NXF1: variants seen among roughly 807,000 people sequenced by gnomAD.
The protein encoded by NXF1 is nuclear RNA export factor 1, also known as mRNA export factor TAP.
In NXF1, 43 loss-of-function variants were observed where a neutral mutation model predicts 92.4. The observed-to-expected ratio is 0.47, with a 90% confidence interval of 0.36 to 0.60. The LOEUF (loss-of-function observed/expected upper bound fraction) is 0.60, where lower values mean the gene tolerates loss of function less well. Among genes scored for constraint, NXF1 ranks in the 20% least tolerant of loss-of-function variants. NXF1 has a pLI of 0.00. For missense variants in NXF1, 576 were observed against 793.0 expected (o/e 0.73, Z 3.29); for synonymous variants, 288 against 292.2 (o/e 0.99, Z 0.15).
chr11:62,796,017 C>T, intron 16 of NXF1, 49 bp downstream of exon 16: 1 of 1,599,320 alleles, frequency 6.3e-7, no homozygotes, highest in East Asian at 2.3e-5. Context: ...TATTAAATGC[C>T]ACCCCCACCC....
In NXF1 at chr11:62,799,150, A is replaced by G. The variant is rs142420430; in HGVS notation, c.1017-575T>C. ...GGAGAGATGGGGAGGTATAGGAGACAGACAGAAAAAGGAAAGAGAAAGCAA... is the reference window on the plus strand; with the variant it reads ...GGAGAGATGGGGAGGTATAGGAGACGGACAGAAAAAGGAAAGAGAAAGCAA... On this transcript the variant is annotated intron_variant, in intron 10 of 20. Coordinates refer to ENST00000294172, the MANE Select transcript of NXF1 (RefSeq NM_006362.5). 1.1e-4 allele frequency: 104 copies of G among 984,180 alleles called. No homozygotes were observed. In the African/African-American group the frequency reaches 1.6e-3, roughly 16 times the overall value. The allele number at this position is 984,180 out of a possible 1,614,324, so 61.0% of individuals were successfully genotyped here.
intron 10 of NXF1, 162 bp downstream of exon 10, chr11:62,800,214 AG>A: frequency 7.0e-7 from 1 of 1,430,908 alleles, no homozygotes; most frequent in Non-Finnish European, 9.2e-7. Context: ...CAAAGCTGGA[AG>A]ACACAGACAG....
Position 62,796,562 on chromosome 11 carries a change from T to C in NXF1, c.1184A>G (p.Tyr395Cys). 1 of 1,608,260 alleles carries C rather than the reference T, an allele frequency of 6.2e-7. No individual in the cohort carries two copies. Among genetic ancestry groups the C allele is most frequent in the South Asian group, 1.1e-5 (1 of 91,000 alleles). The change falls in exon 14 of 21, where the codon TAT becomes TGT. Residue 395 changes from tyrosine to cysteine, a missense_variant. Coordinates refer to ENST00000294172, the MANE Select transcript of NXF1 (RefSeq NM_006362.5). Reference sequence around the variant, plus strand: ...TCGGTCTCCAGAGTCGTAAATTGCATAGTACCTATGGGAAAAACAAAAAAG... The same window carrying C: ...TCGGTCTCCAGAGTCGTAAATTGCACAGTACCTATGGGAAAAACAAAAAAG... ...SLVLHFLQQY[Y>C]AIYDSGDRQG...
Position 62,795,942 on chromosome 11 carries a change from C to T in NXF1, c.1463G>A (p.Ser488Asn). 6.2e-7 allele frequency: 1 copy of T among 1,614,006 alleles called. No individual in the cohort carries two copies. The highest frequency in any genetic ancestry group is 1.1e-5 in the South Asian group (1 of 91,086). ...SFVVDISAQTSTLLCFSVNGV... is the reference protein window; with the variant it reads ...SFVVDISAQTNTLLCFSVNGV... ...ATTGACAGAAAAACACAGCAATGTG[C>T]TCTGAAAGAGAAGCAGCATCAGGTA... Residue 488 changes from serine (S) to asparagine (N), a missense_variant and splice_region_variant, in exon 17 of 21, where the codon AGC (serine) becomes AAC (asparagine). Physicochemically the swap from Ser to Asn is conservative, Grantham distance 46. Around this residue, in one of 2 missense-constraint regions of NXF1, gnomAD observed 425 missense variants for 635.2 expected, o/e 0.67. Coordinates refer to ENST00000294172, the MANE Select transcript of NXF1 (RefSeq NM_006362.5).
Position 62,803,561 on chromosome 11 carries a change from G to A in NXF1, c.227C>T (p.Thr76Ile), listed in dbSNP as rs2084502611. 14 of 1,614,082 alleles carry A rather than the reference G, an allele frequency of 8.7e-6. No individual in the cohort carries two copies. Among genetic ancestry groups the A allele is most frequent in the Non-Finnish European group, 1.2e-5 (14 of 1,180,034 alleles). The change falls in exon 3 of 21, where the codon ACC becomes ATC. Residue 76 changes from threonine (T) to isoleucine (I), a missense_variant. Thr to Ile is a moderately conservative substitution (Grantham distance 89, BLOSUM62 -1). This residue lies in a region of NXF1 where 151 missense variants were observed against 157.8 expected (regional missense o/e 0.96). Transcript: ENST00000294172. The part of the protein sequence containing the change: ...DGPRVRYNPY[T>I]TRPNRRGDTW... ...ATCACCCCGACGGTTAGGTCGGGTG[G>A]TATAGGGGTTGCTGTGGGTAAGCAG...
At chr11:62,801,707 G>T (rs1260562071) in intron 6 of NXF1, 32 bp downstream of exon 6, 2 of 1,609,950 alleles carry the variant, frequency 1.2e-6, no homozygotes, top group Non-Finnish European at 8.5e-7. Context: ...AGTAAGACTG[G>T]GTTGGAAACA....
In NXF1 at chr11:62,800,492, A is replaced by G. The variant is rs542756999; in HGVS notation, c.907-6T>C. 5 of 1,607,966 alleles carry G rather than the reference A, an allele frequency of 3.1e-6. No homozygotes were observed. The South Asian group carries it at 4.4e-5, about 14-fold the overall frequency. The stretch of plus-strand genomic sequence containing the variant: ...AATTCCCGCTCAGACTTCAACTGCA[A>G]AGGGTGGAAGGAACAAAGGGAGGAG... On this transcript the variant is annotated splice_polypyrimidine_tract_variant and splice_region_variant and intron_variant, in intron 9 of 20. Coordinates refer to ENST00000294172, the MANE Select transcript of NXF1 (RefSeq NM_006362.5).
intron 13 of NXF1, 39 bp downstream of exon 13, chr11:62,797,144 C>T (rs113601386): frequency 6.3e-7 from 1 of 1,588,676 alleles, no homozygotes; most frequent in Non-Finnish European, 8.6e-7. Context: ...CATTCCCCCT[C>T]AACCTCGGGG....
chr11:62,802,539 C>T (rs534150757), intron 3 of NXF1, among the ~76,000 whole-genome samples: 6 of 152,246 alleles, frequency 3.9e-5, no homozygotes, highest in Admixed American at 6.5e-5. Flanking sequence ...TAGGCTCAAG[C>T]GATCCTCCTG....
At position 62,802,258 on chromosome 11, in the gene NXF1, A is replaced by C. The variant is rs1287922281; in HGVS notation, c.372T>G (p.Ile124Met). 1 of 1,613,482 alleles carries C rather than the reference A, an allele frequency of 6.2e-7. No individual in the cohort carries two copies. Among genetic ancestry groups the C allele is most frequent in the Admixed American group, 1.7e-5 (1 of 59,988 alleles). ...GTSKNWFKIT[I>M]PYGRKYDKAW... is the part of the protein sequence containing the mutation. ...CCTTGTCATACTTTCTGCCATAAGG[A>C]ATCTAGAAATGAGAGAAAGAGAAAA... Residue 124 changes from isoleucine (I) to methionine (M), a missense_variant and splice_region_variant, in exon 4 of 21, where the codon ATT (isoleucine) becomes ATG (methionine). Physicochemically the swap from Ile to Met is conservative, Grantham distance 10. Coordinates refer to ENST00000294172, the MANE Select transcript of NXF1 (RefSeq NM_006362.5).
At chr11:62,802,073 C>G in intron 4 of NXF1, 27 bp from the exon 5 acceptor site, 1 of 1,611,658 alleles carries the variant, frequency 6.2e-7, no homozygotes, top group South Asian at 1.1e-5. Flanking sequence ...GAGCATTACA[C>G]TGGGAGTCCA....
At chr11:62,798,646 A>G (rs570641248) in intron 10 of NXF1, 71 bp from the exon 11 acceptor site, 2 of 1,604,986 alleles carry the variant, frequency 1.2e-6, no homozygotes, top group South Asian at 2.2e-5. Flanking sequence ...CTAGGAGCAA[A>G]TATACCAAAC....
At chr11:62,799,282 T>TG (rs1489170976) in intron 10 of NXF1, 1 of 985,604 alleles carries the variant, frequency 1.0e-6, no homozygotes, top group Non-Finnish European at 1.2e-6. Flanking sequence ...CCCATCCCTG[T>TG]GGTCCAAGGT....
chr11:62,792,513 G>A lies in NXF1; in HGVS notation c.1823C>T (p.Ala608Val). ...TGCCACTTCTGGGATCTCGCCCTTG[G>A]CCTGGAGAAAAATGAAGGTCAGTAG... The part of the protein sequence containing the change: ...RSAQAFTHLK[A>V]KGEIPEVAFM... Residue 608 changes from alanine (A) to valine (V), a missense_variant and splice_region_variant, in exon 21 of 21, where the codon GCC becomes GTC. Ala to Val is a moderately conservative substitution (Grantham distance 64, BLOSUM62 0). Transcript: ENST00000294172. 5 of 1,614,200 alleles carry A rather than the reference G, an allele frequency of 3.1e-6. No individual in the cohort carries two copies. Among genetic ancestry groups the A allele is most frequent in the Non-Finnish European group, 4.2e-6 (5 of 1,180,036 alleles).
intron 9 of NXF1, 93 bp downstream of exon 9, chr11:62,801,001 G>A: frequency 1.1e-6 from 1 of 929,028 alleles, no homozygotes; most frequent in Non-Finnish European, 1.7e-6. Flanking sequence ...CATCTGGCCT[G>A]AGTTCTCTCT....
chr11:62,798,856 C>T, intron 10 of NXF1: 2 of 1,242,304 alleles, frequency 1.6e-6, no homozygotes, highest in Non-Finnish European at 2.0e-6. Flanking sequence ...GGACCTCTTT[C>T]CCCTCCCTGC....
At chr11:62,797,478 T>A in intron 11 of NXF1, 92 bp from the exon 12 acceptor site, 1 of 1,103,724 alleles carries the variant, frequency 9.1e-7, no homozygotes, top group Non-Finnish European at 1.3e-6. Context: ...GGCAGGCAGA[T>A]GGCTTGAGCT....
Position 62,805,418 on chromosome 11 carries a change from T to A in NXF1, c.-62A>T, listed in dbSNP as rs372883109. 36 of 1,604,058 alleles carry A rather than the reference T, an allele frequency of 2.2e-5. No homozygotes were observed. The African/African-American group carries it at 3.2e-4, about 14-fold the overall frequency. ...CCGCTACGCCGGCAAACAACCTAAC[T>A]CCCAAGCGCTCAGGACCGAAGTGTC... On this transcript the variant is annotated 5_prime_UTR_variant, in exon 1 of 21. Coordinates refer to ENST00000294172, the MANE Select transcript of NXF1 (RefSeq NM_006362.5).
chr11:62,798,812 A>T, intron 10 of NXF1: 1 of 1,347,988 alleles, frequency 7.4e-7, no homozygotes, highest in Non-Finnish European at 9.5e-7. Flanking sequence ...CTGAGTGTCA[A>T]GGAGCAGTAC....
Sources: gnomAD v4.1 joint callset for allele counts (sites outside exome capture counted in the v4.1 genomes callset) on GRCh38, gnomAD v4.1.1 for gene constraint, gnomAD v4.1.1 regional missense constraint, MANE v1.5 for transcripts, NCBI Gene and HGNC (gene_info 2026-07-23, HGNC 2026-07-21) for gene names.